Variants in DIAPH1 observed in about 807,000 individuals in gnomAD.
DIAPH1 encodes diaphanous related formin 1, also known as protein diaphanous homolog 1.
In DIAPH1, 46 loss-of-function variants were observed where a neutral mutation model predicts 140.7. That is an observed-to-expected ratio of 0.33 (90% confidence interval 0.26 to 0.42). The LOEUF is 0.42. Ranked by LOEUF, DIAPH1 falls within the 10% of genes least tolerant of loss-of-function variation. The pLI, the probability that DIAPH1 is intolerant of heterozygous loss-of-function variation, is 1.00. For synonymous variants in DIAPH1, 565 were observed against 551.6 expected (o/e 1.02, Z -0.34); for missense variants, 1,310 against 1,558.7 (o/e 0.84, Z 2.69).
chr5:141,605,459 T>C (rs1009091251), intron 1 of DIAPH1, among the ~76,000 whole-genome samples: 2 of 152,210 alleles, frequency 1.3e-5, no homozygotes, highest in African/African-American at 4.8e-5. Context: ...TAGCACATCA[T>C]CTAAAAGCAA....
chr5:141,614,668 T>C (rs1396030322), intron 1 of DIAPH1, among the ~76,000 whole-genome samples: 1 of 152,214 alleles, frequency 6.6e-6, no homozygotes, highest in African/African-American at 2.4e-5. Context: ...CCATACCAAG[T>C]AGACTCATGA....
At chr5:141,549,610 C>T (rs555939083) in intron 18 of DIAPH1, among the ~76,000 whole-genome samples, 1 of 152,068 alleles carries the variant, frequency 6.6e-6, no homozygotes, top group African/African-American at 2.4e-5. Context: ...AGCATATTTG[C>T]CAAAATTTAC....
intron 18 of DIAPH1, chr5:141,557,691 C>T (rs1046047829): frequency 2.6e-5 from 4 of 152,224 alleles, no homozygotes; most frequent in African/African-American, 9.6e-5. Flanking sequence ...ATGCCCTGGC[C>T]TGCTGCCTCA....
intron 8 of DIAPH1, 82 bp from the exon 9 acceptor site, chr5:141,579,278 C>T: frequency 1.0e-6 from 1 of 993,738 alleles, no homozygotes; most frequent in Non-Finnish European, 1.6e-6. Flanking sequence ...CACAGGGGCA[C>T]AGACCGATTA....
At position 141,587,057 on chromosome 5, in the gene DIAPH1, G is replaced by C; in HGVS notation, c.285C>G (p.Leu95=). The C allele has an allele frequency of 6.2e-7, 1 of 1,614,168 alleles. No individual in the cohort carries two copies. The highest frequency in any genetic ancestry group is 8.5e-7 in the Non-Finnish European group (1 of 1,180,000). The change falls in exon 3 of 28, where the codon CTC becomes CTG. Residue 95 remains leucine (L), a synonymous_variant. Coordinates refer to ENST00000389054, the MANE Select transcript of DIAPH1 (RefSeq NM_005219.5). ...QDVSDEQVLV[L]FEQMLLDMNL... ...GGAAACTTACCAGCATCTGTTCAAA[G>C]AGAACCAGCACTTGTTCATCTGAAA...
rs182510011 is a variant in DIAPH1, at chr5:141,566,037, A to G, written c.2482+5391T>C. On this transcript the variant is annotated intron_variant, in intron 18 of 27. Transcript: ENST00000389054. ...AAGAACAAAACCCAAGCGAATGATTATAATGATTAACCAAGAAATTTTAGC... is the reference window on the plus strand; with the variant it reads ...AAGAACAAAACCCAAGCGAATGATTGTAATGATTAACCAAGAAATTTTAGC... Among the ~76,000 whole-genome samples the G allele has an allele frequency of 3.9e-5, 6 of 152,360 alleles. No homozygotes were observed. In the East Asian group the frequency reaches 9.6e-4, roughly 24 times the overall value.
chr5:141,524,467 G>A (rs2099887004), intron 26 of DIAPH1: 2 of 554,570 alleles, frequency 3.6e-6, no homozygotes, highest in Admixed American at 2.9e-5. Flanking sequence ...CAGACCTTGG[G>A]ATATTTTCCC....
chr5:141,517,352 T>C (rs898038812), intron 27 of DIAPH1, among the ~76,000 whole-genome samples: 7 of 152,356 alleles, frequency 4.6e-5, no homozygotes, highest in Non-Finnish European at 1.0e-4. Flanking sequence ...TTTCTCGTAA[T>C]AGGGATGTTG....
At chr5:141,618,694 C>CG in intron 1 of DIAPH1, 104 bp downstream of exon 1, 3 of 729,344 alleles carry the variant, frequency 4.1e-6, no homozygotes, top group Admixed American at 5.0e-5. Context: ...AAGGAAGGCG[C>CG]GGGGGCGGCT....
chr5:141,527,788 C>G, intron 23 of DIAPH1, 91 bp from the exon 24 acceptor site: 1 of 1,412,824 alleles, frequency 7.1e-7, no homozygotes, highest in Non-Finnish European at 9.5e-7. Flanking sequence ...TTTCACCTTT[C>G]AGAGCATAGC....
intron 1 of DIAPH1, among the ~76,000 whole-genome samples, chr5:141,615,842 T>C (rs550466330): frequency 1.3e-5 from 2 of 152,330 alleles, no homozygotes; most frequent in African/African-American, 4.8e-5. Flanking sequence ...TGAGAGTGCA[T>C]ACAAAGTCTA....
chr5:141,588,236 G>A lies in DIAPH1; in HGVS notation c.132C>T (p.Leu44=). 1 of 1,612,560 alleles carries A rather than the reference G, an allele frequency of 6.2e-7. No individual in the cohort carries two copies. Among genetic ancestry groups the A allele is most frequent in the Non-Finnish European group, 8.5e-7 (1 of 1,178,688 alleles). The change falls in exon 2 of 28, where the codon CTC becomes CTT. Residue 44 remains leucine (L), a synonymous_variant. Transcript: ENST00000389054. ...GKSKKFTLKR[L]MADELERFTS... is the part of the protein sequence containing the mutation. ...AAAATGTCCTTACCTCATCTGCCATGAGCCGCTTCAGAGTCTAGGAAACAG... is the reference window on the plus strand; with the variant it reads ...AAAATGTCCTTACCTCATCTGCCATAAGCCGCTTCAGAGTCTAGGAAACAG...
At chr5:141,538,652 C>T (rs1235806291) in intron 18 of DIAPH1, among the ~76,000 whole-genome samples, 3 of 151,340 alleles carry the variant, frequency 2.0e-5, no homozygotes, top group Non-Finnish European at 2.9e-5. Context: ...AGGCTGGTCT[C>T]GAACTCCTGA....
chr5:141,575,541 T>C (rs1182307086), intron 14 of DIAPH1, among the ~76,000 whole-genome samples: 1 of 151,402 alleles, frequency 6.6e-6, no homozygotes, highest in African/African-American at 2.4e-5. Flanking sequence ...CCCAGCTACT[T>C]GGGAGGCTGA....
intron 18 of DIAPH1, chr5:141,560,799 C>CCT (rs1304875054): frequency 2.2e-6 from 1 of 455,474 alleles, no homozygotes; most frequent in African/African-American, 2.0e-5. Flanking sequence ...AGGGTAAGAG[C>CCT]AGAACAAAGA....
At chr5:141,618,769 G>C (rs1306672391) in intron 1 of DIAPH1, 29 bp downstream of exon 1, 1 of 1,496,530 alleles carries the variant, frequency 6.7e-7, no homozygotes, top group East Asian at 2.5e-5. Flanking sequence ...TACGGGGCCA[G>C]GCAGGAGCGG....
rs1182200763 is a variant in DIAPH1, at chr5:141,515,375, C to A, written c.*1476G>T. The A allele has an allele frequency of 6.6e-6, 1 of 152,248 alleles. No homozygotes were observed. Among genetic ancestry groups the A allele is most frequent in the East Asian group, 1.9e-4 (1 of 5,202 alleles). 9.4% of individuals were successfully genotyped at this position (152,248 alleles called of 1,614,324 possible). The stretch of plus-strand genomic sequence containing the variant: ...AGGCCTCACTATAGTTGCCCTCATG[C>A]TTCCTAAGCTCTCTCTTGCTCTAAT... On this transcript the variant is annotated 3_prime_UTR_variant, in exon 28 of 28. Coordinates refer to ENST00000389054, the MANE Select transcript of DIAPH1 (RefSeq NM_005219.5).
In DIAPH1 at chr5:141,588,119, A is replaced by G. The variant is rs560709912; in HGVS notation, c.144+105T>C. On this transcript the variant is annotated intron_variant, in intron 2 of 27. Coordinates refer to ENST00000389054, the MANE Select transcript of DIAPH1 (RefSeq NM_005219.5). ...AGCCTTGAGATACTGAGTAGAAGCC[A>G]TATCACCACTATAAGTTACAGAAAG... 788 of 929,796 alleles carry G rather than the reference A, an allele frequency of 8.5e-4. 11 individuals carry two copies. The South Asian group carries it at 9.8e-3, about 12-fold the overall frequency. The allele number at this position is 929,796 out of a possible 1,614,324, so 57.6% of individuals were successfully genotyped here.
chr5:141,555,625 G>A (rs1387201525), intron 18 of DIAPH1, among the ~76,000 whole-genome samples: 1 of 152,122 alleles, frequency 6.6e-6, no homozygotes, highest in Non-Finnish European at 1.5e-5. Flanking sequence ...ACAACATCAA[G>A]GGCTGAGTAA....
Sources: allele counts gnomAD v4.1 joint callset (sites outside exome capture counted in the v4.1 genomes callset), GRCh38; gene constraint gnomAD v4.1.1; transcripts MANE v1.5; gene names NCBI Gene and HGNC (gene_info 2026-07-23, HGNC 2026-07-21).